TECPR2: variants seen among roughly 807,000 people sequenced by gnomAD.
TECPR2 encodes the protein tectonin beta-propeller repeat-containing protein 2.
A neutral mutation model predicts 138.1 loss-of-function variants in TECPR2; 65 were observed. The observed-to-expected ratio is 0.47, with a 90% CI of 0.39 to 0.58. TECPR2 has a LOEUF of 0.58. Ranked by LOEUF, TECPR2 falls within the 20% of genes least tolerant of loss-of-function variation. The pLI is 0.00. For missense variants in TECPR2, 1,553 were observed against 1,824.5 expected, an observed-to-expected ratio of 0.85 and a Z score of 2.71; for synonymous variants, 746 against 749.8, an observed-to-expected ratio of 0.99 and a Z score of 0.08.
Position 102,498,111 on chromosome 14 carries a change from T to C in TECPR2, c.4090T>C (p.Ser1364Pro). ...GGCTCTTGTCCCTGCAGTGACTGCG[T>C]CAGATGAGCTGTGGGCTGTGGGCCC... Reference protein sequence around the residue: ...GSVSCFTVTASDELWAVGPPG... With the variant: ...GSVSCFTVTAPDELWAVGPPG... The change falls in exon 20 of 20, where the codon TCA becomes CCA. Residue 1364 changes from serine to proline, a missense_variant. Ser to Pro is a moderately conservative substitution (Grantham distance 74, BLOSUM62 -1). Coordinates refer to ENST00000359520, the MANE Select transcript of TECPR2 (RefSeq NM_014844.5). The C allele has an allele frequency of 6.2e-7, 1 of 1,613,224 alleles. No individual in the cohort carries two copies. The highest frequency in any genetic ancestry group is 8.5e-7 in the Non-Finnish European group (1 of 1,179,842).
chr14:102,368,126 G>A (rs759079244), intron 1 of TECPR2, among the ~76,000 whole-genome samples: 1 of 148,470 alleles, frequency 6.7e-6, no homozygotes, highest in Non-Finnish European at 1.5e-5. Flanking sequence ...TTGTTCCTTC[G>A]GCCTCCTGAG....
At chr14:102,490,734 G>A (rs539933180) in intron 17 of TECPR2, among the ~76,000 whole-genome samples, 2 of 152,240 alleles carry the variant, frequency 1.3e-5, no homozygotes, top group East Asian at 1.9e-4. Context: ...CTGTTCCATC[G>A]GCCTCTTAGG....
At chr14:102,496,279 C>T (rs924729486) in intron 17 of TECPR2, among the ~76,000 whole-genome samples, 13 of 152,220 alleles carry the variant, frequency 8.5e-5, no homozygotes, top group Non-Finnish European at 1.3e-4. Context: ...AGGCCCAGAT[C>T]CTCCAGACAG....
intron 1 of TECPR2, among the ~76,000 whole-genome samples, chr14:102,375,957 A>G (rs976638499): frequency 6.6e-6 from 1 of 152,200 alleles, no homozygotes; most frequent in African/African-American, 2.4e-5. Flanking sequence ...GATGGCGTGC[A>G]TGGAAGGGTT....
rs780704518 is a variant in TECPR2 at position 102,376,742 on chromosome 14, T to G, written c.21T>G (p.Pro7=). 1 of 1,614,234 alleles carries G rather than the reference T, an allele frequency of 6.2e-7. No homozygotes were observed. Among genetic ancestry groups the G allele is most frequent in the Admixed American group, 1.7e-5 (1 of 60,032 alleles). The change falls in exon 2 of 20, where the codon CCT becomes CCG. Residue 7 remains proline (P), a synonymous_variant. Transcript: ENST00000359520. MASISE[P]VTFREFCPLY... ...TGGCCATGGCATCGATATCAGAGCC[T>G]GTTACATTCAGAGAGTTCTGCCCGT...
intron 1 of TECPR2, among the ~76,000 whole-genome samples, 193 bp from the exon 2 acceptor site, chr14:102,376,457 G>A (rs1887640698): frequency 6.6e-6 from 1 of 152,116 alleles, no homozygotes; most frequent in Admixed American, 6.6e-5. Flanking sequence ...AATCATAGAG[G>A]TCAGAACATA....
At chr14:102,422,417 C>T (rs557535831) in intron 5 of TECPR2, among the ~76,000 whole-genome samples, 32 of 152,218 alleles carry the variant, frequency 2.1e-4, no homozygotes, top group African/African-American at 7.2e-4. Flanking sequence ...TATGTCATTT[C>T]GCTTACAGTT....
rs1888228759 is a variant in TECPR2 at position 102,393,348 on chromosome 14, C to CT, written c.220-13989dup. 2.0e-5 allele frequency among the ~76,000 whole-genome samples: 3 copies of CT among 152,262 alleles called. No homozygotes were observed. The South Asian group carries it at 6.2e-4, about 32-fold the overall frequency. ...AAAATTAAAGCCTCATATTCTATTT[C>CT]TATATGAACTGTAGTTAAGTGTTAA... On this transcript the variant is annotated intron_variant, in intron 2 of 19. Transcript: ENST00000359520.
chr14:102,406,273 G>C (rs527376162), intron 2 of TECPR2, among the ~76,000 whole-genome samples: 6 of 152,324 alleles, frequency 3.9e-5, no homozygotes, highest in African/African-American at 1.4e-4. Flanking sequence ...TGAGGGCTGG[G>C]CATGGTGGCC....
At chr14:102,445,301 C>T (rs1191379407) in intron 12 of TECPR2, among the ~76,000 whole-genome samples, 1 of 152,000 alleles carries the variant, frequency 6.6e-6, no homozygotes, top group Non-Finnish European at 1.5e-5. Flanking sequence ...CCTGGCACAT[C>T]GGGGGAGTTT....
intron 15 of TECPR2, 69 bp from the exon 16 acceptor site, chr14:102,452,325 C>A: frequency 6.7e-7 from 1 of 1,496,998 alleles, no homozygotes; most frequent in South Asian, 1.2e-5. Context: ...CAAAGGCTGC[C>A]TTGTGCATTT....
intron 5 of TECPR2, among the ~76,000 whole-genome samples, chr14:102,421,564 G>A (rs1356392888): frequency 6.6e-6 from 1 of 152,186 alleles, no homozygotes; most frequent in Non-Finnish European, 1.5e-5. Flanking sequence ...TGGGTGTGCT[G>A]CTGTGTGCAG....
chr14:102,452,539 G>A lies in TECPR2; in HGVS notation c.3552G>A (p.Leu1184=). 3 of 1,611,404 alleles carry A rather than the reference G, an allele frequency of 1.9e-6. No individual in the cohort carries two copies. Among genetic ancestry groups the A allele is most frequent in the Non-Finnish European group, 2.5e-6 (3 of 1,179,334 alleles). The stretch of plus-strand genomic sequence containing the variant: ...CCTGCCAGGATGCGCTGTGGGCGCT[G>A]GACAGCCTCGGCCAGGTGTTCATCA... ...YAACQDALWA[L]DSLGQVFIRT... Residue 1184 remains leucine (L), a synonymous_variant, in exon 16 of 20, where the codon CTG becomes CTA. Transcript: ENST00000359520.
intron 12 of TECPR2, 94 bp from the exon 13 acceptor site, chr14:102,445,712 A>G (rs1889956484): frequency 2.1e-6 from 3 of 1,451,524 alleles, no homozygotes; most frequent in Admixed American, 4.4e-5. Flanking sequence ...TCTCCCAGCC[A>G]CGCCTGCCGG....
intron 2 of TECPR2, among the ~76,000 whole-genome samples, chr14:102,379,947 GC>G (rs1887755534): frequency 6.7e-6 from 1 of 149,246 alleles, no homozygotes; most frequent in South Asian, 2.1e-4. Flanking sequence ...TAGTCACACT[GC>G]TGAAGATCAC....
chr14:102,476,749 TATC>T (rs1250680299), intron 17 of TECPR2, among the ~76,000 whole-genome samples: 1 of 152,188 alleles, frequency 6.6e-6, no homozygotes, highest in Non-Finnish European at 1.5e-5. Context: ...TACATACTGT[TATC>T]ATTTCATTTA....
At chr14:102,457,112 T>C (rs1030440420) in intron 16 of TECPR2, among the ~76,000 whole-genome samples, 1 of 151,892 alleles carries the variant, frequency 6.6e-6, no homozygotes, top group Non-Finnish European at 1.5e-5. Context: ...TGAGACAGAG[T>C]CTTACTCTGT....
chr14:102,438,272 GGTGCAGACATCTTA>G (rs1555451991), intron 10 of TECPR2, 67 bp downstream of exon 10: 1 of 1,534,212 alleles, frequency 6.5e-7, no homozygotes, highest in Non-Finnish European at 8.7e-7. Flanking sequence ...CCGCCCCCGG[GGTGCAGACATCTTA>G]GTACAGGGCT....
At chr14:102,431,518 A>ATTTTTT (rs1368813738) in intron 7 of TECPR2, among the ~76,000 whole-genome samples, 1 of 151,718 alleles carries the variant, frequency 6.6e-6, no homozygotes, top group Admixed American at 6.6e-5. Flanking sequence ...AATTTTTTGT[A>ATTTTTT]TTTTTAGTAG....
Sources: allele counts gnomAD v4.1 joint callset (sites outside exome capture counted in the v4.1 genomes callset), GRCh38; gene constraint gnomAD v4.1.1; transcripts MANE v1.5; gene names NCBI Gene and HGNC (gene_info 2026-07-23, HGNC 2026-07-21).